CSMD1: variants seen among roughly 807,000 people sequenced by gnomAD.
CSMD1 encodes CUB and sushi domain-containing protein 1.
CSMD1 carries 213 observed loss-of-function variants against 417.5 expected under a neutral mutation model. The ratio of observed to expected loss-of-function variants is 0.51; its 90% CI spans 0.46 to 0.57. The LOEUF is 0.57. Ranked by LOEUF, CSMD1 falls within the 20% of genes least tolerant of loss-of-function variation. CSMD1 has a pLI of 0.00. For synonymous variants in CSMD1, 2,862 were observed against 1,736.8 expected, an observed-to-expected ratio of 1.65 and a Z score of -16.11; for missense variants, 6,923 against 4,529.7, an observed-to-expected ratio of 1.53 and a Z score of -15.17.
intron 3 of CSMD1, among the ~76,000 whole-genome samples, chr8:4,214,151 TCTA>T (rs1800490443): frequency 6.6e-6 from 1 of 152,226 alleles, no homozygotes; most frequent in Non-Finnish European, 1.5e-5. Flanking sequence ...TTCTTGGATC[TCTA>T]CTTTGTATTT....
chr8:4,470,760 G>C (rs745979350), intron 2 of CSMD1, among the ~76,000 whole-genome samples: 1 of 152,144 alleles, frequency 6.6e-6, no homozygotes, highest in Non-Finnish European at 1.5e-5. Context: ...TGACTTAATT[G>C]GACCCAGATT....
chr8:4,737,371 A>G (rs1810309845), intron 1 of CSMD1, among the ~76,000 whole-genome samples: 1 of 152,190 alleles, frequency 6.6e-6, no homozygotes, highest in African/African-American at 2.4e-5. Flanking sequence ...GAGTCAGAAA[A>G]AAAAAATAAC....
intron 1 of CSMD1, among the ~76,000 whole-genome samples, chr8:4,726,362 C>G (rs764323377): frequency 3.3e-5 from 5 of 151,322 alleles, no homozygotes; most frequent in Non-Finnish European, 7.4e-5. Context: ...GTTATTATCA[C>G]CAAAAGCTTT....
At chr8:3,939,309 G>C (rs937476275) in intron 5 of CSMD1, among the ~76,000 whole-genome samples, 2 of 152,036 alleles carry the variant, frequency 1.3e-5, no homozygotes, top group Admixed American at 6.6e-5. Flanking sequence ...ACCGCAATGA[G>C]ATACCACCTT....
intron 2 of CSMD1, among the ~76,000 whole-genome samples, chr8:4,463,866 T>G (rs142693081): frequency 6.6e-6 from 1 of 152,090 alleles, no homozygotes; most frequent in African/African-American, 2.4e-5. Flanking sequence ...CACTGAAGAG[T>G]ACACTTCAGG....
chr8:2,976,018 T>C (rs746667041), intron 55 of CSMD1, among the ~76,000 whole-genome samples: 2 of 152,144 alleles, frequency 1.3e-5, no homozygotes, highest in Non-Finnish European at 2.9e-5. Flanking sequence ...AAAATTCCCA[T>C]GTGTGAAAGC....
At chr8:3,530,984 C>A (rs1797956404) in intron 10 of CSMD1, among the ~76,000 whole-genome samples, 1 of 151,852 alleles carries the variant, frequency 6.6e-6, no homozygotes, top group South Asian at 2.1e-4. Flanking sequence ...TCCTGAGTAG[C>A]TGGGACTGCA....
chr8:3,594,230 C>T (rs978355768), intron 8 of CSMD1, among the ~76,000 whole-genome samples: 7 of 152,102 alleles, frequency 4.6e-5, no homozygotes, highest in Non-Finnish European at 1.0e-4. Context: ...AGCCCTGGAC[C>T]GTATTAATGA....
chr8:3,998,960 T>C lies in CSMD1; in HGVS notation c.611-850A>G, dbSNP rs368053342. 2.2e-4 allele frequency among the ~76,000 whole-genome samples: 32 copies of C among 147,250 alleles called. No homozygotes were observed. The South Asian group carries it at 6.6e-3, about 30-fold the overall frequency. On this transcript the variant is annotated intron_variant, in intron 4 of 69. Coordinates refer to ENST00000635120, the MANE Select transcript of CSMD1 (RefSeq NM_033225.6). ...TATATATAAATAACAAACTATATGG[T>C]AGTTTATATATAAATAACATAAACT...
At chr8:3,670,951 G>A (rs1306948089) in intron 7 of CSMD1, among the ~76,000 whole-genome samples, 15 of 108,312 alleles carry the variant, frequency 1.4e-4, no homozygotes, top group South Asian at 6.4e-4. Context: ...ATGGGTATAT[G>A]TGTATGGGAT....
intron 3 of CSMD1, among the ~76,000 whole-genome samples, chr8:4,251,803 A>T (rs1803099360): frequency 6.8e-6 from 1 of 147,502 alleles, no homozygotes; most frequent in African/African-American, 2.5e-5. Context: ...GGAAAGATGG[A>T]GAAGGACAGA....
chr8:4,441,492 T>C (rs1189215473), intron 2 of CSMD1, among the ~76,000 whole-genome samples: 1 of 152,020 alleles, frequency 6.6e-6, no homozygotes, highest in African/African-American at 2.4e-5. Flanking sequence ...ATAAGGTATT[T>C]TACAGAGAGA....
At chr8:4,519,076 C>A (rs995015683) in intron 2 of CSMD1, among the ~76,000 whole-genome samples, 4 of 152,104 alleles carry the variant, frequency 2.6e-5, no homozygotes, top group Admixed American at 2.6e-4. Context: ...AGTCCATTCC[C>A]ACCAATTTAA....
rs375303361 is a variant in CSMD1 at position 4,152,580 on chromosome 8, C to G, written c.416-120481G>C. On this transcript the variant is annotated intron_variant, in intron 3 of 69. Transcript: ENST00000635120. ...TGGTGCACACTTGTGTTCCCAACTC[C>G]TTGGGAGGCTTAAGTGGGAAGATCG... Among the ~76,000 whole-genome samples the G allele has an allele frequency of 2.6e-5, 4 of 151,744 alleles. No homozygotes were observed. In the East Asian group the frequency reaches 5.8e-4, roughly 22 times the overall value.
intron 23 of CSMD1, 128 bp from the exon 24 acceptor site, chr8:3,308,631 T>A: frequency 1.5e-6 from 1 of 680,610 alleles, no homozygotes; most frequent in Non-Finnish European, 2.4e-6. Context: ...ATTGTGAATT[T>A]ACAAAGGGGA....
At chr8:4,204,938 A>C (rs1261971518) in intron 3 of CSMD1, among the ~76,000 whole-genome samples, 6 of 152,054 alleles carry the variant, frequency 3.9e-5, no homozygotes, top group Non-Finnish European at 8.8e-5. Context: ...GGGATTACAA[A>C]TGTGAGCCAC....
At position 3,740,371 on chromosome 8, in the gene CSMD1, C is replaced by G. The variant is rs570698983; in HGVS notation, c.931+13559G>C. 2.6e-5 allele frequency among the ~76,000 whole-genome samples: 4 copies of G among 152,116 alleles called. No individual in the cohort carries two copies. The East Asian group carries it at 7.7e-4, about 29-fold the overall frequency. On this transcript the variant is annotated intron_variant, in intron 6 of 69. Coordinates refer to ENST00000635120, the MANE Select transcript of CSMD1 (RefSeq NM_033225.6). ...TCCGCCTTCCTTTCATTGGGCAGCA[C>G]AAATTTAAAGAATAACTGATGATAA...
At chr8:3,081,228 C>A (rs930562577) in intron 49 of CSMD1, among the ~76,000 whole-genome samples, 5 of 152,090 alleles carry the variant, frequency 3.3e-5, no homozygotes, top group Non-Finnish European at 7.4e-5. Context: ...ATTTTAGTAA[C>A]TATTTGAATA....
At position 4,099,921 on chromosome 8, in the gene CSMD1, A is replaced by G. The variant is rs184113295; in HGVS notation, c.416-67822T>C. ...GACATGGAGACTTTTCTAACAAAAA[A>G]TCAACAACAACAACAATAGTGAATA... On this transcript the variant is annotated intron_variant, in intron 3 of 69. Transcript: ENST00000635120. Among the ~76,000 whole-genome samples, 6 of 152,322 alleles carry G rather than the reference A, an allele frequency of 3.9e-5. No individual in the cohort carries two copies. The East Asian group carries it at 1.2e-3, about 29-fold the overall frequency.
Sources: allele counts gnomAD v4.1 joint callset (sites outside exome capture counted in the v4.1 genomes callset), GRCh38; gene constraint gnomAD v4.1.1; transcripts MANE v1.5; gene names NCBI Gene and HGNC (gene_info 2026-07-23, HGNC 2026-07-21).